Variants in ZW10 observed in about 807,000 individuals in gnomAD.
ZW10 encodes zw10 kinetochore protein, also known as centromere/kinetochore protein zw10 homolog.
A neutral mutation model predicts 87.8 loss-of-function variants in ZW10; 53 were observed. That is an observed-to-expected ratio of 0.60 (90% CI 0.48 to 0.76). The LOEUF (loss-of-function observed/expected upper bound fraction) is 0.76. ZW10 is among the 30% of genes least tolerant of loss of function. The pLI is 0.00. For missense variants in ZW10, 837 were observed against 923.0 expected (o/e 0.91, Z 1.21); for synonymous variants, 312 against 329.2 (o/e 0.95, Z 0.57).
chr11:113,760,233 C>A lies in ZW10; in HGVS notation c.556G>T (p.Val186Leu). 6.2e-7 allele frequency: 1 copy of A among 1,614,060 alleles called. No individual in the cohort carries two copies. ...HLGEEWQKLI[V>L]WKFPPSKDTS... is the part of the protein sequence containing the mutation. ...CCTTTTGATGGTGGGAACTTCCATACAATCAGCTTCTGCCACTCTTCTCCA... is the reference window on the plus strand; with the variant it reads ...CCTTTTGATGGTGGGAACTTCCATAAAATCAGCTTCTGCCACTCTTCTCCA... Residue 186 changes from valine to leucine, a missense_variant, in exon 5 of 16, where the codon GTA becomes TTA. Physicochemically the swap from Val to Leu is conservative, Grantham distance 32. Coordinates refer to ENST00000200135, the MANE Select transcript of ZW10 (RefSeq NM_004724.4).
chr11:113,760,645 T>G, intron 3 of ZW10, 55 bp from the exon 4 acceptor site: 1 of 1,468,660 alleles, frequency 6.8e-7, no homozygotes, highest in Non-Finnish European at 9.4e-7. Context: ...TCTGTTTGCT[T>G]TTAAACATTA....
intron 2 of ZW10, among the ~76,000 whole-genome samples, chr11:113,767,177 T>TAA (rs34930485): frequency 7.3e-6 from 1 of 137,628 alleles, no homozygotes; most frequent in African/African-American, 2.7e-5. Flanking sequence ...CTACGATGAT[T>TAA]AAAAAAAAAA....
chr11:113,760,783 C>T, intron 3 of ZW10, 34 bp downstream of exon 3: 1 of 1,591,616 alleles, frequency 6.3e-7, no homozygotes, highest in East Asian at 2.2e-5. Context: ...CTTCCCACCA[C>T]CAAAACACTA....
In ZW10 at chr11:113,733,672, T is replaced by G; in HGVS notation, c.*22A>C. 6.2e-7 allele frequency: 1 copy of G among 1,613,654 alleles called. No homozygotes were observed. The highest frequency in any genetic ancestry group is 8.5e-7 in the Non-Finnish European group (1 of 1,179,946). The stretch of plus-strand genomic sequence containing the variant: ...GGGAAGAATCCACATATTCAAGACA[T>G]AGCTTTCTTAAGAAGATGGAGCTAT... On this transcript the variant is annotated 3_prime_UTR_variant, in exon 16 of 16. Transcript: ENST00000200135.
chr11:113,768,608 G>C (rs376064499), intron 2 of ZW10, among the ~76,000 whole-genome samples: 4 of 152,124 alleles, frequency 2.6e-5, no homozygotes, highest in East Asian at 3.8e-4. Context: ...ATGATGCACC[G>C]GGCCTGGTCA....
At chr11:113,758,765 A>G in intron 5 of ZW10, 59 bp from the exon 6 acceptor site, 2 of 1,535,140 alleles carry the variant, frequency 1.3e-6, no homozygotes, top group Non-Finnish European at 1.8e-6. Flanking sequence ...TCCCACTTCT[A>G]TTCCTCAGAG....
At chr11:113,743,647 T>C (rs1485014824) in intron 10 of ZW10, among the ~76,000 whole-genome samples, 155 bp downstream of exon 10, 4 of 152,250 alleles carry the variant, frequency 2.6e-5, no homozygotes, top group African/African-American at 9.6e-5. Flanking sequence ...TGTGATGCAC[T>C]GGGTTTTTGT....
intron 2 of ZW10, 121 bp from the exon 3 acceptor site, chr11:113,761,039 G>A: frequency 1.4e-6 from 1 of 730,832 alleles, no homozygotes; most frequent in Non-Finnish European, 2.2e-6. Context: ...TTAAATGCTA[G>A]TTAAGACTGG....
At chr11:113,763,470 T>C (rs1953882976) in intron 2 of ZW10, among the ~76,000 whole-genome samples, 1 of 152,256 alleles carries the variant, frequency 6.6e-6, no homozygotes, top group African/African-American at 2.4e-5. Flanking sequence ...TGAACTAATT[T>C]ACATTCCCAC....
At chr11:113,758,353 A>T (rs902955403) in intron 6 of ZW10, among the ~76,000 whole-genome samples, 4 of 135,018 alleles carry the variant, frequency 3.0e-5, no homozygotes, top group African/African-American at 1.1e-4. Context: ...AAACCAAAAA[A>T]AAAAATAGGA....
chr11:113,772,204 T>G (rs997267906), intron 1 of ZW10, among the ~76,000 whole-genome samples: 2 of 151,956 alleles, frequency 1.3e-5, no homozygotes, highest in African/African-American at 4.8e-5. Context: ...AAGATTCAAG[T>G]TGGTAAAGGA....
At chr11:113,735,037 G>T (rs775510442) in intron 15 of ZW10, among the ~76,000 whole-genome samples, 1 of 152,090 alleles carries the variant, frequency 6.6e-6, no homozygotes, top group Non-Finnish European at 1.5e-5. Flanking sequence ...GGATTCATGG[G>T]TCTTCAAAAT....
intron 2 of ZW10, among the ~76,000 whole-genome samples, chr11:113,763,927 C>T (rs1019634903): frequency 5.9e-5 from 9 of 152,274 alleles, no homozygotes; most frequent in African/African-American, 1.7e-4. Flanking sequence ...GTCAGGAAGT[C>T]CTTGCCCATG....
intron 15 of ZW10, among the ~76,000 whole-genome samples, chr11:113,735,488 T>C (rs920907353): frequency 1.1e-4 from 17 of 151,832 alleles, no homozygotes; most frequent in African/African-American, 1.9e-4. Context: ...ATGACTAATA[T>C]TTGCAGCAAA....
intron 6 of ZW10, among the ~76,000 whole-genome samples, chr11:113,758,231 C>A (rs1183378113): frequency 6.6e-6 from 1 of 151,242 alleles, no homozygotes; most frequent in Non-Finnish European, 1.5e-5. Context: ...AATCTTTGAA[C>A]CTAACAACCA....
chr11:113,758,661 T>C lies in ZW10; in HGVS notation c.626A>G (p.Tyr209Cys). 1 of 1,614,132 alleles carries C rather than the reference T, an allele frequency of 6.2e-7. No homozygotes were observed. Among genetic ancestry groups the C allele is most frequent in the Non-Finnish European group, 8.5e-7 (1 of 1,180,002 alleles). ...CTCCTCTTTGTGCGATTGTTCAGTG[T>C]ATAAATGAAGTTCAGTTTGTAGGTA... is the stretch of plus-strand genomic sequence containing the variant. The part of the protein sequence containing the change: ...ESYLQTELHL[Y>C]TEQSHKEEKT... Residue 209 changes from tyrosine to cysteine, a missense_variant, in exon 6 of 16, where the codon TAC becomes TGC. Transcript: ENST00000200135.
intron 7 of ZW10, 99 bp downstream of exon 7, chr11:113,757,559 CCTTT>C (rs1224001560): frequency 5.3e-6 from 5 of 940,100 alleles, no homozygotes; most frequent in Non-Finnish European, 7.2e-6. Flanking sequence ...TTTTCATCCT[CCTTT>C]CTCACACATT....
chr11:113,738,713 T>C (rs1468340979), intron 12 of ZW10, among the ~76,000 whole-genome samples: 1 of 152,180 alleles, frequency 6.6e-6, no homozygotes, highest in East Asian at 1.9e-4. Context: ...AATCAAGAAT[T>C]GAAAAGCTAA....
intron 9 of ZW10, among the ~76,000 whole-genome samples, chr11:113,746,510 A>C (rs1466612286): frequency 6.6e-6 from 1 of 150,714 alleles, no homozygotes; most frequent in Non-Finnish European, 1.5e-5. Flanking sequence ...AAAAAAAAAA[A>C]AAAAACAACA....
Sources: allele counts gnomAD v4.1 joint callset (sites outside exome capture counted in the v4.1 genomes callset), GRCh38; gene constraint gnomAD v4.1.1; transcripts MANE v1.5; gene names NCBI Gene and HGNC (gene_info 2026-07-23, HGNC 2026-07-21).